Variants in CD96 observed in about 807,000 individuals in gnomAD.
CD96 encodes T-cell surface protein tactile.
Under a neutral mutation model 71.3 loss-of-function variants are expected in CD96, and 70 were observed. That is an observed-to-expected ratio of 0.98 (90% CI 0.81 to 1.20). The LOEUF is 1.20. Among genes scored for constraint, CD96 ranks in the 50% most tolerant of loss-of-function variants. The pLI is 0.00. For synonymous variants in CD96, 248 were observed against 233.0 expected (o/e 1.06, Z -0.59); for missense variants, 742 against 677.5 (o/e 1.10, Z -1.06).
At chr3:111,594,422 G>A in intron 5 of CD96, 1 of 497,794 alleles carries the variant, frequency 2.0e-6, no homozygotes, top group Non-Finnish European at 3.6e-6. Flanking sequence ...CAGCCCAAGA[G>A]TGCATTCCTT....
chr3:111,587,059 G>A (rs1487471418), intron 5 of CD96, among the ~76,000 whole-genome samples: 2 of 151,992 alleles, frequency 1.3e-5, no homozygotes, highest in Non-Finnish European at 2.9e-5. Context: ...TGGAGTACAG[G>A]TATTGGATAA....
intron 12 of CD96, among the ~76,000 whole-genome samples, chr3:111,638,447 T>C (rs1939441388): frequency 1.3e-5 from 2 of 152,372 alleles, no homozygotes; most frequent in African/African-American, 4.8e-5. Context: ...TGTGAGGATA[T>C]ACTTAAATTA....
chr3:111,560,559 G>A (rs1470141586), intron 2 of CD96, among the ~76,000 whole-genome samples: 3 of 107,518 alleles, frequency 2.8e-5, no homozygotes, highest in African/African-American at 1.1e-4. Context: ...TGGCTTGTAG[G>A]GTTTCTGCCG....
At chr3:111,642,483 C>T (rs1295326537) in intron 12 of CD96, among the ~76,000 whole-genome samples, 5 of 152,080 alleles carry the variant, frequency 3.3e-5, no homozygotes, top group South Asian at 2.1e-4. Flanking sequence ...TAAGAAGCAG[C>T]GAGATTGAAA....
At chr3:111,572,413 A>T (rs1936022327) in intron 3 of CD96, among the ~76,000 whole-genome samples, 1 of 152,236 alleles carries the variant, frequency 6.6e-6, no homozygotes, top group Admixed American at 6.5e-5. Context: ...GGCAACACTT[A>T]TATTAGGGAA....
At chr3:111,585,944 T>C (rs1936693449) in intron 5 of CD96, among the ~76,000 whole-genome samples, 1 of 152,174 alleles carries the variant, frequency 6.6e-6, no homozygotes, top group African/African-American at 2.4e-5. Flanking sequence ...CTGTAGTCAC[T>C]AGGATCTGGA....
At chr3:111,624,968 T>C (rs913146356) in intron 10 of CD96, among the ~76,000 whole-genome samples, 13 of 152,332 alleles carry the variant, frequency 8.5e-5, no homozygotes, top group Middle Eastern at 6.8e-3. Context: ...CTCTTAGTGG[T>C]ATTAGACAAC....
At chr3:111,553,797 C>T (rs1934849457) in intron 2 of CD96, among the ~76,000 whole-genome samples, 1 of 151,918 alleles carries the variant, frequency 6.6e-6, no homozygotes, top group Admixed American at 6.6e-5. Flanking sequence ...TTTATATGAA[C>T]TTAAACATAC....
chr3:111,552,647 TG>T (rs1434756700), intron 2 of CD96, among the ~76,000 whole-genome samples: 1 of 148,548 alleles, frequency 6.7e-6, no homozygotes, highest in Non-Finnish European at 1.5e-5. Flanking sequence ...GGCCTGACTG[TG>T]TTCTAATTCA....
At chr3:111,632,954 G>T (rs1221658845) in intron 10 of CD96, among the ~76,000 whole-genome samples, 3 of 152,186 alleles carry the variant, frequency 2.0e-5, no homozygotes, top group Non-Finnish European at 4.4e-5. Flanking sequence ...GGCACTTTTA[G>T]TTGCCTTCAA....
intron 12 of CD96, among the ~76,000 whole-genome samples, chr3:111,638,731 A>G (rs183743210): frequency 6.6e-6 from 1 of 152,366 alleles, no homozygotes; most frequent in African/African-American, 2.4e-5. Context: ...TCACTTGACT[A>G]GTGAATGCCA....
chr3:111,603,569 G>T (rs1301283053), intron 7 of CD96, among the ~76,000 whole-genome samples: 1 of 152,194 alleles, frequency 6.6e-6, no homozygotes, highest in African/African-American at 2.4e-5. Context: ...GAGTGGATAG[G>T]AGACATTTTG....
In CD96 at chr3:111,652,097, T is replaced by A. The variant is rs1482276506; in HGVS notation, c.*2291T>A. 1 of 152,110 alleles carries A rather than the reference T, an allele frequency of 6.6e-6. No homozygotes were observed. The highest frequency in any genetic ancestry group is 2.4e-5 in the African/African-American group (1 of 41,424). The allele number at this position is 152,110 out of a possible 1,614,324, so 9.4% of individuals were successfully genotyped here. Reference sequence around the variant, plus strand: ...AGAGCCAGAACTACCCAGCTAAGCCTTTTACTAAATTTCTGAACTTCTAAC... The same window carrying A: ...AGAGCCAGAACTACCCAGCTAAGCCATTTACTAAATTTCTGAACTTCTAAC... On this transcript the variant is annotated 3_prime_UTR_variant, in exon 14 of 14. Transcript: ENST00000352690.
At chr3:111,632,620 G>T (rs1939124866) in intron 10 of CD96, among the ~76,000 whole-genome samples, 1 of 152,156 alleles carries the variant, frequency 6.6e-6, no homozygotes, top group African/African-American at 2.4e-5. Flanking sequence ...ATTACTGAGT[G>T]TATACCCAAA....
chr3:111,606,913 G>C (rs1937647384), intron 8 of CD96, 121 bp downstream of exon 8: 1 of 730,442 alleles, frequency 1.4e-6, no homozygotes, highest in Admixed American at 1.9e-5. Context: ...GGCTGAAATT[G>C]GGTTTTATTT....
intron 6 of CD96, among the ~76,000 whole-genome samples, chr3:111,599,489 G>C (rs201523607): frequency 2.0e-5 from 3 of 152,142 alleles, no homozygotes; most frequent in Non-Finnish European, 4.4e-5. Context: ...GGAGGCCGAA[G>C]GGTGTGGATT....
chr3:111,590,689 AAG>A (rs1936935722), intron 5 of CD96, among the ~76,000 whole-genome samples: 1 of 152,220 alleles, frequency 6.6e-6, no homozygotes. Flanking sequence ...ACAATGAGAA[AAG>A]AGTCTTTAAC....
intron 3 of CD96, among the ~76,000 whole-genome samples, chr3:111,575,061 T>C (rs774232221): frequency 1.3e-5 from 2 of 152,196 alleles, no homozygotes; most frequent in Non-Finnish European, 2.9e-5. Flanking sequence ...CCCAAAGTGC[T>C]GGAATTACAG....
chr3:111,637,738 A>G (rs1245114974), intron 11 of CD96, among the ~76,000 whole-genome samples: 2 of 150,858 alleles, frequency 1.3e-5, no homozygotes, highest in Non-Finnish European at 3.0e-5. Context: ...TACCACTTAC[A>G]TTTCTCATGG....
Sources: allele counts gnomAD v4.1 joint callset (sites outside exome capture counted in the v4.1 genomes callset), GRCh38; gene constraint gnomAD v4.1.1; transcripts MANE v1.5; gene names NCBI Gene and HGNC (gene_info 2026-07-23, HGNC 2026-07-21).